ZNF407: variants seen among roughly 807,000 people sequenced by gnomAD.
ZNF407 encodes the protein zinc finger protein 407.
In ZNF407, 17 loss-of-function variants were observed where a neutral mutation model predicts 131.2. The observed-to-expected ratio is 0.13, with a 90% confidence interval of 0.09 to 0.19. The LOEUF is 0.19. Ranked by LOEUF, ZNF407 falls within the 10% of genes least tolerant of loss-of-function variation. The pLI, the probability that ZNF407 is intolerant of heterozygous loss-of-function variation, is 1.00. For synonymous variants in ZNF407, 1,156 were observed against 1,062.0 expected, an observed-to-expected ratio of 1.09 and a Z score of -1.72; for missense variants, 2,681 against 2,830.6, an observed-to-expected ratio of 0.95 and a Z score of 1.20.
At chr18:74,654,485 C>A (rs1055352165) in intron 3 of ZNF407, among the ~76,000 whole-genome samples, 4 of 151,754 alleles carry the variant, frequency 2.6e-5, no homozygotes, top group African/African-American at 9.7e-5. Flanking sequence ...AATTTGGTAA[C>A]TAAAGGAACT....
intron 4 of ZNF407, among the ~76,000 whole-genome samples, chr18:74,835,848 A>G (rs566133276): frequency 6.6e-6 from 1 of 152,294 alleles, no homozygotes; most frequent in South Asian, 2.1e-4. Flanking sequence ...GGAAGCTGAC[A>G]TTCTAGGAGA....
At chr18:74,905,111 G>A (rs1238300253) in intron 7 of ZNF407, among the ~76,000 whole-genome samples, 7 of 152,102 alleles carry the variant, frequency 4.6e-5, no homozygotes, top group African/African-American at 7.2e-5. Flanking sequence ...TCATATCCTC[G>A]TTGAGGGCAT....
chr18:74,604,295 T>A (rs559681481), intron 1 of ZNF407, among the ~76,000 whole-genome samples: 1 of 152,346 alleles, frequency 6.6e-6, no homozygotes, highest in East Asian at 1.9e-4. Context: ...TGCATCCGTG[T>A]GGCAAGTTCC....
chr18:74,823,103 C>A (rs1433789638), intron 4 of ZNF407, among the ~76,000 whole-genome samples: 2 of 151,918 alleles, frequency 1.3e-5, no homozygotes, highest in African/African-American at 4.8e-5. Context: ...TCATATCCAG[C>A]CAAACTAAGC....
intron 3 of ZNF407, among the ~76,000 whole-genome samples, chr18:74,642,328 A>C (rs1417105096): frequency 6.6e-6 from 1 of 152,142 alleles, no homozygotes; most frequent in African/African-American, 2.4e-5. Context: ...GTCAGGTGTC[A>C]AATGGTTCAT....
intron 3 of ZNF407, among the ~76,000 whole-genome samples, chr18:74,693,801 A>AT (rs1228064402): frequency 6.6e-6 from 1 of 151,500 alleles, no homozygotes; most frequent in African/African-American, 2.4e-5. Context: ...ATTTCTTCAG[A>AT]TTTTTTTCTG....
chr18:74,799,769 C>T (rs535574153), intron 4 of ZNF407, among the ~76,000 whole-genome samples: 12 of 152,100 alleles, frequency 7.9e-5, no homozygotes, highest in Non-Finnish European at 1.2e-4. Flanking sequence ...TTGGAGAATG[C>T]GTATGCACCT....
intron 8 of ZNF407, among the ~76,000 whole-genome samples, chr18:74,988,709 G>A (rs958264367): frequency 6.6e-6 from 1 of 152,048 alleles, no homozygotes. Flanking sequence ...TGGCCAGTAA[G>A]TAGATGAGAT....
intron 4 of ZNF407, chr18:74,804,286 GT>G (rs909069413): frequency 1.7e-6 from 2 of 1,165,442 alleles, no homozygotes; most frequent in African/African-American, 3.2e-5. Context: ...TTATAAAATT[GT>G]CATCATCAAT....
intron 8 of ZNF407, among the ~76,000 whole-genome samples, chr18:74,927,572 A>G (rs1220177319): frequency 6.6e-6 from 1 of 152,250 alleles, no homozygotes; most frequent in East Asian, 1.9e-4. Context: ...ACTTTGAGCC[A>G]GTCACTCAAG....
chr18:74,662,816 T>C (rs1244628821), intron 3 of ZNF407, among the ~76,000 whole-genome samples: 1 of 152,216 alleles, frequency 6.6e-6, no homozygotes, highest in Non-Finnish European at 1.5e-5. Context: ...AAGTATTCAA[T>C]TGTCACTCTG....
chr18:74,885,662 A>G (rs1971299238), intron 6 of ZNF407, among the ~76,000 whole-genome samples: 1 of 152,200 alleles, frequency 6.6e-6, no homozygotes, highest in Admixed American at 6.5e-5. Context: ...TGGAGATTGC[A>G]GAAATAGACG....
chr18:74,855,618 A>T (rs72977439), intron 4 of ZNF407, among the ~76,000 whole-genome samples: 1,546 of 152,310 alleles, frequency 0.01, 11 homozygotes, highest in Non-Finnish European at 0.015. Flanking sequence ...CATACAGATT[A>T]TGTTTTTGCA....
chr18:74,956,083 T>C (rs1266875439), intron 8 of ZNF407, among the ~76,000 whole-genome samples: 1 of 152,212 alleles, frequency 6.6e-6, no homozygotes, highest in East Asian at 1.9e-4. Context: ...ATCCACCCCT[T>C]TTACTTCATC....
intron 8 of ZNF407, among the ~76,000 whole-genome samples, chr18:74,970,922 T>G (rs1322545377): frequency 6.6e-6 from 1 of 152,262 alleles, no homozygotes; most frequent in Non-Finnish European, 1.5e-5. Flanking sequence ...TGCCTGGACA[T>G]GCAGGCATTT....
intron 8 of ZNF407, among the ~76,000 whole-genome samples, chr18:74,956,296 G>A (rs1972274501): frequency 6.6e-6 from 1 of 151,854 alleles, no homozygotes; most frequent in Non-Finnish European, 1.5e-5. Flanking sequence ...TGTCCTTGCT[G>A]GCCTCGGTGT....
At chr18:75,030,653 G>A (rs1465681973) in intron 8 of ZNF407, among the ~76,000 whole-genome samples, 1 of 152,194 alleles carries the variant, frequency 6.6e-6, no homozygotes, top group Non-Finnish European at 1.5e-5. Context: ...CTCGGGCTCG[G>A]CTGGAAGTAG....
intron 4 of ZNF407, among the ~76,000 whole-genome samples, chr18:74,842,842 G>C (rs184416079): frequency 1.1e-4 from 16 of 152,198 alleles, no homozygotes; most frequent in African/African-American, 2.9e-4. Context: ...TCATGCCTCA[G>C]TCTCCCAAGT....
chr18:74,751,521 C>T (rs948104421), intron 3 of ZNF407, among the ~76,000 whole-genome samples: 19 of 152,008 alleles, frequency 1.2e-4, no homozygotes, highest in African/African-American at 4.6e-4. Flanking sequence ...ATCCCTCTCC[C>T]CTCCCCCCAC....
Sources: allele counts gnomAD v4.1 joint callset (sites outside exome capture counted in the v4.1 genomes callset), GRCh38; gene constraint gnomAD v4.1.1; transcripts MANE v1.5; gene names NCBI Gene and HGNC (gene_info 2026-07-23, HGNC 2026-07-21).